STRN4: variants seen among roughly 807,000 people sequenced by gnomAD.
STRN4 encodes striatin-4.
In STRN4, 27 loss-of-function variants were observed where a neutral mutation model predicts 77.9. The observed-to-expected ratio is 0.35, with a 90% CI of 0.26 to 0.48. The LOEUF (loss-of-function observed/expected upper bound fraction) is 0.48, where lower values mean the gene tolerates loss of function less well. Among genes scored for constraint, STRN4 ranks in the 20% least tolerant of loss-of-function variants. STRN4 has a pLI of 0.99. For missense variants in STRN4, 798 were observed against 1,049.7 expected (o/e 0.76, Z 3.31); for synonymous variants, 466 against 443.1 (o/e 1.05, Z -0.65).
rs1467331693 is a variant in STRN4, at chr19:46,730,872, T to C, written c.739A>G (p.Asn247Asp). 1 of 1,610,526 alleles carries C rather than the reference T, an allele frequency of 6.2e-7. No homozygotes were observed. The highest frequency in any genetic ancestry group is 8.5e-7 in the Non-Finnish European group (1 of 1,179,972). Residue 247 changes from asparagine to aspartate, a missense_variant and splice_region_variant, in exon 6 of 18, where the codon AAC becomes GAC. Asn to Asp is a conservative substitution (Grantham distance 23). Around this residue, in one of 2 missense-constraint regions of STRN4, gnomAD observed 511 missense variants for 575.9 expected, o/e 0.89. Coordinates refer to ENST00000263280, the MANE Select transcript of STRN4 (RefSeq NM_013403.3). ...TCTTTGCCATCTTTGCCTGCCGCGT[T>C]CCTGCCAAAGACAGCAGAGCAGAGG... ...VKQIEEQIKRNAAGKDGKERL... is the reference protein window; with the variant it reads ...VKQIEEQIKRDAAGKDGKERL...
Position 46,730,744 on chromosome 19 carries a change from C to T in STRN4, c.867G>A (p.Lys289=). The T allele has an allele frequency of 6.2e-7, 1 of 1,612,340 alleles. No individual in the cohort carries two copies. Among genetic ancestry groups the T allele is most frequent in the Non-Finnish European group, 8.5e-7 (1 of 1,180,002 alleles). The change falls in exon 6 of 18, where the codon AAG becomes AAA. Residue 289 remains lysine, a synonymous_variant. Transcript: ENST00000263280. The part of the protein sequence containing the change: ...DDELDSVQHK[K]QRVKLPSKAL... ...AGGAAGGGCTCACCTTCACACGCTG[C>T]TTCTTGTGCTGCACGCTGTCCAGCT... is the stretch of plus-strand genomic sequence containing the variant.
At chr19:46,736,943 T>A (rs367673862) in intron 3 of STRN4, 42 bp from the exon 4 acceptor site, 2 of 1,598,820 alleles carry the variant, frequency 1.3e-6, no homozygotes, top group African/African-American at 2.7e-5. Context: ...GTCAGGCCAC[T>A]GCCACCTACC....
intron 1 of STRN4, among the ~76,000 whole-genome samples, chr19:46,740,818 T>C (rs2054460285): frequency 6.6e-6 from 1 of 151,954 alleles, no homozygotes. Context: ...GCAATGTGAC[T>C]AGGACCCCAT....
chr19:46,739,471 T>C (rs1599893251), intron 1 of STRN4: 1 of 158,530 alleles, frequency 6.3e-6, no homozygotes, highest in East Asian at 1.8e-4. Context: ...GTGAGAGAAA[T>C]GTGCCACAGA....
Position 46,741,659 on chromosome 19 carries a change from C to T in STRN4, c.283-2771G>A, listed in dbSNP as rs1047492893. Among the ~76,000 whole-genome samples the T allele has an allele frequency of 3.3e-5, 5 of 152,200 alleles. No homozygotes were observed. The highest frequency in any genetic ancestry group is 2.1e-4 in the South Asian group (1 of 4,832). On this transcript the variant is annotated intron_variant, in intron 1 of 17. Coordinates refer to ENST00000263280, the MANE Select transcript of STRN4 (RefSeq NM_013403.3). The surrounding 1 kb of genome is among the most constrained non-coding windows in gnomAD (Gnocchi z 4.9). ...CCTCTAGCCAGAGCCGCAGAGCATG[C>T]GCTCCCAAAACCTTCTGATACCTGG...
intron 5 of STRN4, chr19:46,732,078 A>T (rs1163531014): frequency 1.3e-5 from 2 of 152,080 alleles, no homozygotes; most frequent in African/African-American, 4.8e-5. Context: ...CAAACCCTGG[A>T]GTCGCTCGTT....
Position 46,733,551 on chromosome 19 carries a change from G to C in STRN4, c.540-315C>G. The C allele has an allele frequency of 6.0e-6, 2 of 332,848 alleles. No individual in the cohort carries two copies. The highest frequency in any genetic ancestry group is 1.1e-5 in the Non-Finnish European group (2 of 176,272). The allele number at this position is 332,848 out of a possible 1,614,324, so 20.6% of individuals were successfully genotyped here. A position where few individuals can be genotyped will look rare whatever the true frequency, so the allele number is the denominator to read the frequency against. On this transcript the variant is annotated intron_variant, in intron 4 of 17. Coordinates refer to ENST00000263280, the MANE Select transcript of STRN4 (RefSeq NM_013403.3). This position sits in a 1 kb window ranked among gnomAD's most constrained non-coding sequence, Gnocchi z 4.3. ...TGACTCATAGCGCTGCAAGGCAGAA[G>C]ATCAACAGGGCAGAGCCTTAAGGGA...
At chr19:46,746,031 GC>G (rs1272490498) in intron 1 of STRN4, 117 bp downstream of exon 1, 5 of 1,142,594 alleles carry the variant, frequency 4.4e-6, no homozygotes, top group East Asian at 3.7e-5. Flanking sequence ...GTCCCCTCCC[GC>G]CCCCCCGCCG....
intron 1 of STRN4, 106 bp downstream of exon 1, chr19:46,746,043 G>GGCGGCCCCGCGGC: frequency 1.7e-6 from 2 of 1,161,892 alleles, no homozygotes; most frequent in Non-Finnish European, 2.2e-6. Flanking sequence ...CCCCCCGCCG[G>GGCGGCCCCGCGGC]CCGTCCCGGC....
chr19:46,739,847 G>T (rs2054442131), intron 1 of STRN4, among the ~76,000 whole-genome samples: 1 of 152,216 alleles, frequency 6.6e-6, no homozygotes, highest in Admixed American at 6.5e-5. Context: ...GCTCAGTCAA[G>T]GCCTGGCACA....
chr19:46,720,915 T>A, intron 16 of STRN4, 144 bp from the exon 17 acceptor site: 2 of 964,386 alleles, frequency 2.1e-6, no homozygotes, highest in Non-Finnish European at 2.8e-6. Context: ...CATCACCTCC[T>A]GTGGCCCGCC....
At position 46,723,116 on chromosome 19, in the gene STRN4, C is replaced by T; in HGVS notation, c.1763G>A (p.Ser588Asn). ...PACLCTFPTASEHGVPTSVAF... is the reference protein window; with the variant it reads ...PACLCTFPTANEHGVPTSVAF... ...GAGGCACCGGGGCCCCCACTCACCG[C>T]TGGCTGTGGGGAAGGTGCAGAGGCA... Residue 588 changes from serine (S) to asparagine (N), a missense_variant and splice_region_variant, in exon 13 of 18, where the codon AGC (serine) becomes AAC (asparagine). Transcript: ENST00000263280. This position sits in a 1 kb window ranked among gnomAD's most constrained non-coding sequence, Gnocchi z 5.5. 1 of 1,564,100 alleles carries T rather than the reference C, an allele frequency of 6.4e-7. No individual in the cohort carries two copies. Among genetic ancestry groups the T allele is most frequent in the Non-Finnish European group, 8.7e-7 (1 of 1,154,836 alleles).
At chr19:46,732,888 G>C (rs1045879797) in intron 5 of STRN4, 151 bp downstream of exon 5, 1 of 894,526 alleles carries the variant, frequency 1.1e-6, no homozygotes, top group Non-Finnish European at 1.7e-6. Context: ...GCAGTGAAGG[G>C]ACTCAGGGTT....
Position 46,738,794 on chromosome 19 carries a change from T to C in STRN4, c.377A>G (p.Lys126Arg). The change falls in exon 2 of 18, where the codon AAG becomes AGG. Residue 126 changes from lysine to arginine, a missense_variant. Around this residue, in one of 2 missense-constraint regions of STRN4, gnomAD observed 511 missense variants for 575.9 expected, o/e 0.89. Transcript: ENST00000263280. The surrounding 1 kb of genome is among the most constrained non-coding windows in gnomAD (Gnocchi z 4.5). ...CAGGATGAAGGCTCACCTTTCCTGC[T>C]TCAGCGCATACTCTAGCATCTTGAT... ...RRIKMLEYAL[K>R]QERAKYHKLK... The C allele has an allele frequency of 1.9e-6, 3 of 1,614,168 alleles. No individual in the cohort carries two copies. Among genetic ancestry groups the C allele is most frequent in the East Asian group, 2.2e-5 (1 of 44,890 alleles).
At chr19:46,724,732 G>C (rs763855205) in intron 12 of STRN4, 75 bp downstream of exon 12, 46 of 1,602,118 alleles carry the variant, frequency 2.9e-5, no homozygotes, top group Admixed American at 2.5e-4. Flanking sequence ...AGAGGTGGAC[G>C]CGACGTGTGT....
Position 46,725,458 on chromosome 19 carries a change from G to A in STRN4, c.1424+15C>T, listed in dbSNP as rs760935562. On this transcript the variant is annotated intron_variant, in intron 10 of 17. Coordinates refer to ENST00000263280, the MANE Select transcript of STRN4 (RefSeq NM_013403.3). ...CAGATGCCCCTGCCCCCGGCTCTGAGCTTGCTGCCCTCACTTCTTGGCCGT... is the reference window on the plus strand; with the variant it reads ...CAGATGCCCCTGCCCCCGGCTCTGAACTTGCTGCCCTCACTTCTTGGCCGT... 3 of 1,613,798 alleles carry A rather than the reference G, an allele frequency of 1.9e-6. No homozygotes were observed. Among genetic ancestry groups the A allele is most frequent in the Non-Finnish European group, 2.5e-6 (3 of 1,179,886 alleles).
chr19:46,744,734 C>G (rs1480406569), intron 1 of STRN4, among the ~76,000 whole-genome samples: 2 of 151,910 alleles, frequency 1.3e-5, no homozygotes, highest in Non-Finnish European at 2.9e-5. Context: ...CAGCTTCCTA[C>G]TAGATAGCAA....
chr19:46,725,829 C>T (rs2054098881), intron 9 of STRN4, 181 bp from the exon 10 acceptor site: 1 of 763,610 alleles, frequency 1.3e-6, no homozygotes, highest in Non-Finnish European at 2.1e-6. Flanking sequence ...TCTCCATGCT[C>T]GCCCAACAAG....
rs545370809 is a variant in STRN4, at chr19:46,720,816, G to A, written c.2093-45C>T. On this transcript the variant is annotated intron_variant, in intron 16 of 17. Coordinates refer to ENST00000263280, the MANE Select transcript of STRN4 (RefSeq NM_013403.3). ...AGAAGGGGTGGTCACTGGGCTCCTC[G>A]CTCAGACGCAGCCCTGGAACCCCTC... 47 of 1,502,986 alleles carry A rather than the reference G, an allele frequency of 3.1e-5. No homozygotes were observed. The African/African-American group carries it at 4.0e-4, about 13-fold the overall frequency. 93.1% of individuals were successfully genotyped at this position (1,502,986 alleles called of 1,614,324 possible).
Sources: allele counts gnomAD v4.1 joint callset (sites outside exome capture counted in the v4.1 genomes callset), GRCh38; gene constraint gnomAD v4.1.1; regional missense constraint gnomAD v4.1.1; non-coding constraint Gnocchi (gnomAD v3.1); transcripts MANE v1.5; gene names NCBI Gene and HGNC (gene_info 2026-07-23, HGNC 2026-07-21).